PGCKA1: variants seen among roughly 807,000 people sequenced by gnomAD.
The protein encoded by PGCKA1 is PDCD10 and GCKIII kinases-associated protein 1.
At chr4:37,559,496 A>G in the PGCKA1 span, among the ~76,000 whole-genome samples, 1 of 150,866 alleles carries the variant, frequency 6.6e-6, no homozygotes, top group African/African-American at 2.4e-5. Flanking sequence ...CTAATGCTAA[A>G]TGACAAGTTA....
the PGCKA1 span, among the ~76,000 whole-genome samples, chr4:37,549,276 ACTGG>A: frequency 6.6e-6 from 1 of 152,154 alleles, no homozygotes; most frequent in Non-Finnish European, 1.5e-5. Flanking sequence ...CTGCCAAATA[ACTGG>A]AGTGGAACTT....
At chr4:37,495,234 C>A in the PGCKA1 span, among the ~76,000 whole-genome samples, 1 of 152,132 alleles carries the variant, frequency 6.6e-6, no homozygotes, top group African/African-American at 2.4e-5. Flanking sequence ...CAGGAAATAA[C>A]AGAAGCTGGA....
At chr4:37,582,065 T>G in the PGCKA1 span, among the ~76,000 whole-genome samples, 1 of 152,062 alleles carries the variant, frequency 6.6e-6, no homozygotes, top group Non-Finnish European at 1.5e-5. Flanking sequence ...AAACGCAAAG[T>G]CCCCAAATCA....
At chr4:37,477,502 C>CA in the PGCKA1 span, among the ~76,000 whole-genome samples, 21 of 151,142 alleles carry the variant, frequency 1.4e-4, no homozygotes, top group East Asian at 1.9e-4. Context: ...TCTGAATATG[C>CA]AAAAAAAATT....
At chr4:37,522,929 G>C in the PGCKA1 span, among the ~76,000 whole-genome samples, 122 of 152,044 alleles carry the variant, frequency 8.0e-4, 2 homozygotes, top group Middle Eastern at 6.8e-3. Flanking sequence ...TTGGAGCCAG[G>C]AGCCATGCAG....
At chr4:37,575,094 C>T in the PGCKA1 span, among the ~76,000 whole-genome samples, 5 of 152,090 alleles carry the variant, frequency 3.3e-5, no homozygotes, top group African/African-American at 1.2e-4. Context: ...ACAGTGATTT[C>T]CTTTCTCATG....
At chr4:37,582,178 T>C in the PGCKA1 span, among the ~76,000 whole-genome samples, 1 of 152,164 alleles carries the variant, frequency 6.6e-6, no homozygotes, top group Non-Finnish European at 1.5e-5. Context: ...CCTACTACCC[T>C]CTTTAGTGCC....
the PGCKA1 span, among the ~76,000 whole-genome samples, chr4:37,489,484 A>G: frequency 6.6e-6 from 1 of 152,176 alleles, no homozygotes; most frequent in East Asian, 1.9e-4. Flanking sequence ...TTAATTTTTC[A>G]AATGTGAATT....
the PGCKA1 span, among the ~76,000 whole-genome samples, chr4:37,507,508 G>T: frequency 6.6e-6 from 1 of 152,086 alleles, no homozygotes; most frequent in African/African-American, 2.4e-5. Context: ...ATTAGTCTAA[G>T]CTGATAACAA....
chr4:37,500,315 G>A, the PGCKA1 span, among the ~76,000 whole-genome samples: 2 of 152,152 alleles, frequency 1.3e-5, no homozygotes, highest in East Asian at 3.8e-4. Context: ...CTGGTACGTT[G>A]TATCTTTGTT....
At chr4:37,550,632 G>T in the PGCKA1 span, among the ~76,000 whole-genome samples, 1 of 152,142 alleles carries the variant, frequency 6.6e-6, no homozygotes, top group African/African-American at 2.4e-5. Context: ...CTTAATAAAA[G>T]GAGAGGTTCA....
At chr4:37,531,720 A>G in the PGCKA1 span, among the ~76,000 whole-genome samples, 32 of 151,244 alleles carry the variant, frequency 2.1e-4, no homozygotes, top group Admixed American at 1.1e-3. Flanking sequence ...GTGAAACCCC[A>G]TCTCTACTAA....
At chr4:37,486,167 T>C in the PGCKA1 span, among the ~76,000 whole-genome samples, 521 of 152,326 alleles carry the variant, frequency 3.4e-3, 5 homozygotes, top group African/African-American at 0.012. Context: ...ATCCAACTTC[T>C]GCCACTTTAG....
chr4:37,525,036 C>T, the PGCKA1 span, among the ~76,000 whole-genome samples: 447 of 152,134 alleles, frequency 2.9e-3, 4 homozygotes, highest in African/African-American at 0.01. Context: ...TTGTGCAGTC[C>T]GAAGAAACTA....
At chr4:37,471,802 T>A in the PGCKA1 span, among the ~76,000 whole-genome samples, 1 of 151,990 alleles carries the variant, frequency 6.6e-6, no homozygotes, top group Non-Finnish European at 1.5e-5. Context: ...GGGGAAAAGG[T>A]GGAGAAAATT....
chr4:37,481,464 C>CAAAAAAAAAAAAAAAAAAAAAA, the PGCKA1 span, among the ~76,000 whole-genome samples: 8 of 61,438 alleles, frequency 1.3e-4, no homozygotes, highest in African/African-American at 2.5e-4. Flanking sequence ...GACCTGTCTC[C>CAAAAAAAAAAAAAAAAAAAAAA]AAAAAAAAAA....
chr4:37,480,673 G>A, the PGCKA1 span, among the ~76,000 whole-genome samples: 4 of 152,250 alleles, frequency 2.6e-5, no homozygotes, highest in Non-Finnish European at 5.9e-5. Context: ...CTGGGTGGAG[G>A]ATTATTTTGG....
the PGCKA1 span, among the ~76,000 whole-genome samples, chr4:37,541,147 A>C: frequency 6.6e-6 from 1 of 152,098 alleles, no homozygotes; most frequent in African/African-American, 2.4e-5. Flanking sequence ...AATCTCGCAG[A>C]GTCAGGCATT....
the PGCKA1 span, among the ~76,000 whole-genome samples, chr4:37,508,296 T>C: frequency 6.6e-6 from 1 of 152,170 alleles, no homozygotes; most frequent in South Asian, 2.1e-4. Flanking sequence ...ATAACTCTTC[T>C]CCCCTATCTC....
Sources: gnomAD v4.1 joint callset for allele counts (sites outside exome capture counted in the v4.1 genomes callset) on GRCh38, gnomAD v4.1.1 for gene constraint, MANE v1.5 for transcripts, NCBI Gene and HGNC (gene_info 2026-07-23, HGNC 2026-07-21) for gene names.